The following RRBP1 variants were observed in gnomAD, a reference collection of about 807,000 sequenced individuals.
RRBP1 encodes ribosome-binding protein 1.
A neutral mutation model predicts 165.2 loss-of-function variants in RRBP1; 94 were observed. The ratio of observed to expected loss-of-function variants is 0.57; its 90% CI spans 0.48 to 0.68. The LOEUF is 0.68. RRBP1 is among the 30% of genes least tolerant of loss of function. The probability of loss-of-function intolerance (pLI) is 0.00; values close to 1 mark genes in which losing one functional copy is unlikely to be tolerated. For missense variants in RRBP1, 1,676 were observed against 1,763.0 expected (o/e 0.95, Z 0.88); for synonymous variants, 680 against 714.5 (o/e 0.95, Z 0.77).
rs1568764222 is a variant in RRBP1 at position 17,633,605 on chromosome 20, G to A, written c.2465C>T (p.Ala822Val). Residue 822 changes from alanine (A) to valine (V), a missense_variant, in exon 8 of 25, where the codon GCA (alanine) becomes GTA (valine). Transcript: ENST00000377813. The stretch of plus-strand genomic sequence containing the variant: ...CTCCTGCCGAAGCTTGGCCAGCTCT[G>A]CGTTCTGCCTGCAAGACAGTCACCA... ...ATSQVESKQN[A>V]ELAKLRQELS... The A allele has an allele frequency of 6.2e-6, 10 of 1,613,884 alleles. No individual in the cohort carries two copies. The highest frequency in any genetic ancestry group is 5.5e-5 in the South Asian group (5 of 91,084).
chr20:17,633,341 C>T (rs1237128094), intron 8 of RRBP1, 119 bp downstream of exon 8: 1 of 1,067,624 alleles, frequency 9.4e-7, no homozygotes, highest in African/African-American at 1.6e-5. Context: ...TCATCTGTCC[C>T]AGTCAAGGCT....
rs755355541 is a variant in RRBP1 at position 17,621,964 on chromosome 20, G to C, written c.3148-17C>G. The C allele has an allele frequency of 1.9e-6, 3 of 1,586,204 alleles. No homozygotes were observed. The highest frequency in any genetic ancestry group is 2.6e-6 in the Non-Finnish European group (3 of 1,156,188). On this transcript the variant is annotated splice_polypyrimidine_tract_variant and intron_variant, in intron 13 of 24. Transcript: ENST00000377813. ...CGATTCCTCCTGGGGGGTGGGTGGGGAAGAGCGGAAGGTGTTCAGCTGTGG... is the reference window on the plus strand; with the variant it reads ...CGATTCCTCCTGGGGGGTGGGTGGGCAAGAGCGGAAGGTGTTCAGCTGTGG...
In RRBP1 at chr20:17,660,428, A is replaced by T. The variant is rs1236423614; in HGVS notation, c.80T>A (p.Leu27Gln). 6.2e-7 allele frequency: 1 copy of T among 1,614,052 alleles called. No individual in the cohort carries two copies. Among genetic ancestry groups the T allele is most frequent in the Non-Finnish European group, 8.5e-7 (1 of 1,180,042 alleles). ...TTCCTTCATGGAGAAAGTCGACACC[A>T]GGAAGATGCCAATGGCAGAAACAAC... Reference protein sequence around the residue: ...FMVVSAIGIFLVSTFSMKETS... With the variant: ...FMVVSAIGIFQVSTFSMKETS... Residue 27 changes from leucine (L) to glutamine (Q), a missense_variant, in exon 3 of 25, where the codon CTG (leucine) becomes CAG (glutamine). Leu to Gln is a moderately radical substitution (Grantham distance 113, BLOSUM62 -2). This residue lies in a region of RRBP1 where 392 missense variants were observed against 382.5 expected (regional missense o/e 1.02). Transcript: ENST00000377813.
chr20:17,681,719 G>A (rs1009711304), intron 1 of RRBP1, among the ~76,000 whole-genome samples: 2 of 150,450 alleles, frequency 1.3e-5, no homozygotes, highest in Non-Finnish European at 3.0e-5. Context: ...CGGGAGGGAG[G>A]GAGGCAGGGA....
At chr20:17,678,230 G>C (rs993420095) in intron 2 of RRBP1, among the ~76,000 whole-genome samples, 3 of 152,200 alleles carry the variant, frequency 2.0e-5, no homozygotes, top group South Asian at 2.1e-4. Context: ...CTAAGTGAGA[G>C]TGCCTCCTTG....
chr20:17,659,399 T>C lies in RRBP1; in HGVS notation c.1109A>G (p.Lys370Arg). 6.6e-7 allele frequency: 1 copy of C among 1,520,734 alleles called. No individual in the cohort carries two copies. Among genetic ancestry groups the C allele is most frequent in the East Asian group, 2.7e-5 (1 of 37,506 alleles). The allele number at this position is 1,520,734 out of a possible 1,614,324, so 94.2% of individuals were successfully genotyped here. ...KKAEGAQNQG[K>R]KAEGAQNQGK... is the part of the protein sequence containing the mutation. ...CTGGTTCTGAGCCCCCTCAGCCTTC[T>C]TGCCCTGATTCTGGGCCCCCTCGGC... Residue 370 changes from lysine to arginine, a missense_variant, in exon 3 of 25, where the codon AAG (lysine) becomes AGG (arginine). This residue lies in a region of RRBP1 where 78 missense variants were observed against 115.6 expected (regional missense o/e 0.67). Coordinates refer to ENST00000377813, the MANE Select transcript of RRBP1 (RefSeq NM_001365613.2).
intron 5 of RRBP1, among the ~76,000 whole-genome samples, chr20:17,641,159 T>C (rs939340992): frequency 1.3e-5 from 2 of 152,148 alleles, no homozygotes; most frequent in Non-Finnish European, 2.9e-5. Flanking sequence ...AATTCTGCAG[T>C]GGGAAGAACA....
chr20:17,638,091 C>G (rs1295087879), intron 5 of RRBP1, among the ~76,000 whole-genome samples: 1 of 152,098 alleles, frequency 6.6e-6, no homozygotes, highest in Non-Finnish European at 1.5e-5. Context: ...TCTGTGTGGG[C>G]TGGGAAGCCC....
At chr20:17,618,280 C>G (rs995868196) in intron 20 of RRBP1, among the ~76,000 whole-genome samples, 1 of 152,180 alleles carries the variant, frequency 6.6e-6, no homozygotes, top group Non-Finnish European at 1.5e-5. Context: ...CCCTGACGCC[C>G]CCAGGTGACT....
At chr20:17,665,120 GAC>G (rs1555817903) in intron 2 of RRBP1, among the ~76,000 whole-genome samples, 3 of 151,576 alleles carry the variant, frequency 2.0e-5, no homozygotes, top group African/African-American at 7.3e-5. Context: ...GTGGGGGGGG[GAC>G]ACACACACAT....
intron 2 of RRBP1, among the ~76,000 whole-genome samples, chr20:17,673,501 C>T (rs1341605929): frequency 1.3e-5 from 2 of 152,172 alleles, no homozygotes; most frequent in South Asian, 2.1e-4. Context: ...CTCCGCCTCC[C>T]GGGTTCAATT....
chr20:17,677,545 G>C (rs537225956), intron 2 of RRBP1, among the ~76,000 whole-genome samples: 16 of 152,134 alleles, frequency 1.1e-4, no homozygotes, highest in Non-Finnish European at 1.9e-4. Flanking sequence ...TGATCCTTTC[G>C]AAGTTATATG....
rs1044017417 is a variant in RRBP1, at chr20:17,679,886, A to T, written c.-22+113T>A. The T allele has an allele frequency of 2.6e-5, 4 of 151,872 alleles. No individual in the cohort carries two copies. In the South Asian group the frequency reaches 8.3e-4, roughly 32 times the overall value. 9.4% of individuals were successfully genotyped at this position (151,872 alleles called of 1,614,324 possible). ...TCTAAACCCTCTCCTAAACCCCAAG[A>T]TCCCTTTCTGGTTTCCCCTCCCCCA... is the stretch of plus-strand genomic sequence containing the variant. On this transcript the variant is annotated intron_variant, in intron 2 of 24. Transcript: ENST00000377813.
intron 6 of RRBP1, among the ~76,000 whole-genome samples, chr20:17,635,998 A>G (rs1176679592): frequency 6.6e-6 from 1 of 152,156 alleles, no homozygotes; most frequent in Non-Finnish European, 1.5e-5. Context: ...GACAAAGCAC[A>G]TGCACCGCCT....
At position 17,616,087 on chromosome 20, in the gene RRBP1, G is replaced by A. The variant is rs1342451829; in HGVS notation, c.3868-78C>T. 1.3e-5 allele frequency: 15 copies of A among 1,140,908 alleles called. No homozygotes were observed. The African/African-American group carries it at 1.4e-4, about 10-fold the overall frequency. The allele number at this position is 1,140,908 out of a possible 1,614,324, so 70.7% of individuals were successfully genotyped here. A position where few individuals can be genotyped will look rare whatever the true frequency, so the allele number is the denominator to read the frequency against. ...GGCCCAGGGATCCAGCACAGGCACC[G>A]CTCTCTAGCTGCTTCTAGCTTCCCC... On this transcript the variant is annotated intron_variant, in intron 21 of 24. Coordinates refer to ENST00000377813, the MANE Select transcript of RRBP1 (RefSeq NM_001365613.2).
Position 17,629,806 on chromosome 20 carries a change from A to C in RRBP1, c.2749+17T>G, listed in dbSNP as rs766831447. 3 of 1,591,094 alleles carry C rather than the reference A, an allele frequency of 1.9e-6. No individual in the cohort carries two copies. The African/African-American group carries it at 4.0e-5, about 21-fold the overall frequency. ...CACCCTGCACTGAACCCCCGGCCCC[A>C]CTGCCGCCGCCCTTACCGGCCATCT... is the stretch of plus-strand genomic sequence containing the variant. On this transcript the variant is annotated intron_variant, in intron 9 of 24. Coordinates refer to ENST00000377813, the MANE Select transcript of RRBP1 (RefSeq NM_001365613.2).
chr20:17,640,694 G>A (rs932526029), intron 5 of RRBP1, among the ~76,000 whole-genome samples: 6 of 152,208 alleles, frequency 3.9e-5, no homozygotes, highest in Non-Finnish European at 7.3e-5. Context: ...ATGCAGCCAG[G>A]GAGATATTCT....
chr20:17,669,570 C>T (rs936671563), intron 2 of RRBP1, among the ~76,000 whole-genome samples: 2 of 152,230 alleles, frequency 1.3e-5, no homozygotes, highest in Non-Finnish European at 2.9e-5. Flanking sequence ...TACTCAATAT[C>T]ATATCAGCAT....
chr20:17,620,624 G>A lies in RRBP1; in HGVS notation c.3507+91C>T, dbSNP rs77206488. The A allele has an allele frequency of 4.6e-3, 4,556 of 989,140 alleles. 109 individuals are homozygous for A. In the African/African-American group the frequency reaches 0.051, roughly 11 times the overall value. The allele number at this position is 989,140 out of a possible 1,614,324, so 61.3% of individuals were successfully genotyped here. A position where few individuals can be genotyped will look rare whatever the true frequency, so the allele number is the denominator to read the frequency against. ...GTGGAAAAGCCCCACCGAGACACACGAGTCTCACAGGTGACAGAGACAATC... is the reference window on the plus strand; with the variant it reads ...GTGGAAAAGCCCCACCGAGACACACAAGTCTCACAGGTGACAGAGACAATC... On this transcript the variant is annotated intron_variant, in intron 17 of 24. Transcript: ENST00000377813.
Sources: allele counts gnomAD v4.1 joint callset (sites outside exome capture counted in the v4.1 genomes callset), GRCh38; gene constraint gnomAD v4.1.1; regional missense constraint gnomAD v4.1.1; transcripts MANE v1.5; gene names NCBI Gene and HGNC (gene_info 2026-07-23, HGNC 2026-07-21).